The following TSC22D1 variants were observed in gnomAD, a reference collection of about 807,000 sequenced individuals.
The protein encoded by TSC22D1 is TSC22 domain family member 1, also known as TSC22 domain family protein 1.
Under a neutral mutation model 74.2 loss-of-function variants are expected in TSC22D1, and 9 were observed. The ratio of observed to expected loss-of-function variants is 0.12; its 90% CI spans 0.07 to 0.21. TSC22D1 has a LOEUF of 0.21. Among genes scored for constraint, TSC22D1 ranks in the 10% least tolerant of loss-of-function variants. The pLI, the probability that TSC22D1 is intolerant of heterozygous loss-of-function variation, is 1.00. For synonymous variants in TSC22D1, 586 were observed against 492.5 expected, an observed-to-expected ratio of 1.19 and a Z score of -2.51; for missense variants, 1,427 against 1,304.7, an observed-to-expected ratio of 1.09 and a Z score of -1.44.
At chr13:44,534,255 T>C (rs1168703975) in intron 1 of TSC22D1, among the ~76,000 whole-genome samples, 1 of 141,326 alleles carries the variant, frequency 7.1e-6, no homozygotes, top group African/African-American at 2.7e-5. Flanking sequence ...AAAGCAGACA[T>C]GGCAGTGCAC....
rs1490583653 is a variant in TSC22D1, at chr13:44,434,598, G to A, written c.*28C>T. On this transcript the variant is annotated 3_prime_UTR_variant, in exon 3 of 3. Coordinates refer to ENST00000458659, the MANE Select transcript of TSC22D1 (RefSeq NM_183422.4). ...TCTCCGTCTGTTCAGTTCACACGCA[G>A]CAGCCAGTTCTGCGGGGGCATAGGC... 1 of 1,512,488 alleles carries A rather than the reference G, an allele frequency of 6.6e-7. No homozygotes were observed. Among genetic ancestry groups the A allele is most frequent in the Middle Eastern group, 2.5e-4 (1 of 3,998 alleles). The allele number at this position is 1,512,488 out of a possible 1,614,324, so 93.7% of individuals were successfully genotyped here.
chr13:44,513,061 A>G (rs889478799), intron 1 of TSC22D1, among the ~76,000 whole-genome samples: 6 of 152,162 alleles, frequency 3.9e-5, no homozygotes, highest in African/African-American at 7.2e-5. Flanking sequence ...AACTTTCACC[A>G]ATTCTTTTCA....
intron 1 of TSC22D1, among the ~76,000 whole-genome samples, chr13:44,547,136 A>G (rs1881879855): frequency 6.6e-6 from 1 of 152,118 alleles, no homozygotes; most frequent in African/African-American, 2.4e-5. Context: ...AGAACAAAAC[A>G]TCCTGAATAT....
In TSC22D1 at chr13:44,576,087, C is replaced by CGG; in HGVS notation, c.-15_-14dup. The CGG allele has an allele frequency of 6.6e-7, 1 of 1,518,206 alleles. No homozygotes were observed. Among genetic ancestry groups the CGG allele is most frequent in the Non-Finnish European group, 8.8e-7 (1 of 1,138,456 alleles). 94.0% of individuals were successfully genotyped at this position (1,518,206 alleles called of 1,614,324 possible). A position where few individuals can be genotyped will look rare whatever the true frequency, so the allele number is the denominator to read the frequency against. ...GCGGCTGGTGCATTGTGTTGGGTAC[C>CGG]GGGGGCGCGGAGGAGACGAGTGCAA... On this transcript the variant is annotated 5_prime_UTR_variant, in exon 1 of 3. Transcript: ENST00000458659.
chr13:44,464,506 T>A (rs1362828966), intron 1 of TSC22D1, among the ~76,000 whole-genome samples: 1 of 152,336 alleles, frequency 6.6e-6, no homozygotes, highest in East Asian at 1.9e-4. Context: ...TAGTCTTTTT[T>A]TTTTCCCTAT....
At chr13:44,436,836 C>A in intron 1 of TSC22D1, 1 of 1,337,138 alleles carries the variant, frequency 7.5e-7, no homozygotes, top group Non-Finnish European at 9.5e-7. Context: ...AGATCCGCAG[C>A]CGGGCTCCAC....
chr13:44,567,033 G>A (rs1883420095), intron 1 of TSC22D1, among the ~76,000 whole-genome samples: 1 of 152,036 alleles, frequency 6.6e-6, no homozygotes, highest in Non-Finnish European at 1.5e-5. Context: ...GAAAAAAAAA[G>A]GAATATTGTC....
At chr13:44,438,120 A>G (rs1299731700) in intron 1 of TSC22D1, among the ~76,000 whole-genome samples, 4 of 152,236 alleles carry the variant, frequency 2.6e-5, no homozygotes, top group African/African-American at 7.2e-5. Context: ...AATACAACAT[A>G]AACAGTTTCC....
At chr13:44,493,759 CA>C (rs1486366921) in intron 1 of TSC22D1, among the ~76,000 whole-genome samples, 1 of 152,150 alleles carries the variant, frequency 6.6e-6, no homozygotes, top group Non-Finnish European at 1.5e-5. Context: ...AGCCAATCAG[CA>C]AATTTTAGAA....
chr13:44,452,208 T>C (rs960522565), intron 1 of TSC22D1, among the ~76,000 whole-genome samples: 17 of 151,958 alleles, frequency 1.1e-4, no homozygotes, highest in African/African-American at 3.9e-4. Flanking sequence ...TGGAACTAAA[T>C]AAAGTGAGAT....
At chr13:44,563,995 A>G (rs893945207) in intron 1 of TSC22D1, among the ~76,000 whole-genome samples, 12 of 152,218 alleles carry the variant, frequency 7.9e-5, no homozygotes, top group Admixed American at 6.5e-4. Context: ...GACAAGAACC[A>G]TATTTGATTA....
intron 1 of TSC22D1, among the ~76,000 whole-genome samples, chr13:44,558,832 A>C (rs944377396): frequency 6.6e-6 from 1 of 152,352 alleles, no homozygotes; most frequent in African/African-American, 2.4e-5. Context: ...CATGATCGTT[A>C]TTATGGGATT....
At chr13:44,443,007 C>T (rs1209857425) in intron 1 of TSC22D1, among the ~76,000 whole-genome samples, 1 of 145,246 alleles carries the variant, frequency 6.9e-6, no homozygotes, top group African/African-American at 2.5e-5. Flanking sequence ...CCAAATATAT[C>T]TGTAGTGAAG....
intron 1 of TSC22D1, chr13:44,436,429 C>G: frequency 6.5e-7 from 1 of 1,527,872 alleles, no homozygotes; most frequent in Non-Finnish European, 8.9e-7. Flanking sequence ...AGGAATTCGC[C>G]TGGCTATCTT....
intron 1 of TSC22D1, among the ~76,000 whole-genome samples, chr13:44,498,088 C>A (rs565241818): frequency 0.015 from 1,863 of 124,948 alleles, 24 homozygotes; most frequent in Non-Finnish European, 0.023. Context: ...ATGATAAAAC[C>A]AAAAAAAAAA....
At chr13:44,557,400 G>T (rs1882725810) in intron 1 of TSC22D1, among the ~76,000 whole-genome samples, 1 of 152,236 alleles carries the variant, frequency 6.6e-6, no homozygotes, top group Non-Finnish European at 1.5e-5. Flanking sequence ...GGTGGAGGTT[G>T]CGGTGAGCTG....
At chr13:44,547,963 C>T (rs1881941207) in intron 1 of TSC22D1, among the ~76,000 whole-genome samples, 1 of 152,104 alleles carries the variant, frequency 6.6e-6, no homozygotes, top group Non-Finnish European at 1.5e-5. Context: ...TATTATTATG[C>T]ACTGTATTAT....
chr13:44,541,316 A>C (rs1233378355), intron 1 of TSC22D1, among the ~76,000 whole-genome samples: 4 of 152,238 alleles, frequency 2.6e-5, no homozygotes, highest in Admixed American at 2.6e-4. Flanking sequence ...AAAAGCTTAA[A>C]GATGAAAAGA....
At chr13:44,496,920 T>A (rs1021349683) in intron 1 of TSC22D1, among the ~76,000 whole-genome samples, 1 of 151,872 alleles carries the variant, frequency 6.6e-6, no homozygotes, top group African/African-American at 2.4e-5. Flanking sequence ...AAATAACAAG[T>A]GTTGGTGAGG....
Sources: gnomAD v4.1 joint callset for allele counts (sites outside exome capture counted in the v4.1 genomes callset) on GRCh38, gnomAD v4.1.1 for gene constraint, MANE v1.5 for transcripts, NCBI Gene and HGNC (gene_info 2026-07-23, HGNC 2026-07-21) for gene names.